The following NFAT5 variants were observed in gnomAD, a reference collection of about 807,000 sequenced individuals.
NFAT5 encodes the protein nuclear factor of activated T cells 5, also known as nuclear factor of activated T-cells 5.
A neutral mutation model predicts 166.5 loss-of-function variants in NFAT5; 31 were observed. The ratio of observed to expected loss-of-function variants is 0.19; its 90% CI spans 0.14 to 0.25. NFAT5 has a LOEUF of 0.25. Ranked by LOEUF, NFAT5 falls within the 10% of genes least tolerant of loss-of-function variation. The pLI, the probability that NFAT5 is intolerant of heterozygous loss-of-function variation, is 1.00. For missense variants in NFAT5, 1,449 were observed against 1,821.8 expected (o/e 0.80, Z 3.72); for synonymous variants, 612 against 639.7 (o/e 0.96, Z 0.65).
At chr16:69,649,127 A>G (rs894359557) in intron 4 of NFAT5, 2 of 874,830 alleles carry the variant, frequency 2.3e-6, no homozygotes, top group Non-Finnish European at 1.4e-6. Context: ...TTGTAGAACT[A>G]TTACTTATAA....
At chr16:69,588,055 C>T (rs1023283459) in intron 2 of NFAT5, among the ~76,000 whole-genome samples, 10 of 144,796 alleles carry the variant, frequency 6.9e-5, no homozygotes, top group African/African-American at 2.1e-4. Context: ...CAGGTTCAAG[C>T]GATTCTCCTG....
intron 2 of NFAT5, among the ~76,000 whole-genome samples, chr16:69,615,744 G>A (rs1391274876): frequency 6.6e-6 from 1 of 151,990 alleles, no homozygotes; most frequent in Non-Finnish European, 1.5e-5. Context: ...TGAGAAACTT[G>A]ATTTCCTTTC....
chr16:69,622,439 A>G lies in NFAT5; in HGVS notation c.128-3964A>G, dbSNP rs552794084. ...TTTGGTGAAGGAATCCATGCTTCCTATACCTTCCACTTGACCTTGCATTTT... is the reference window on the plus strand; with the variant it reads ...TTTGGTGAAGGAATCCATGCTTCCTGTACCTTCCACTTGACCTTGCATTTT... On this transcript the variant is annotated intron_variant, in intron 2 of 14. Coordinates refer to ENST00000349945, the MANE Select transcript of NFAT5 (RefSeq NM_138713.4). Among the ~76,000 whole-genome samples, 14 of 152,310 alleles carry G rather than the reference A, an allele frequency of 9.2e-5. No homozygotes were observed. In the South Asian group the frequency reaches 2.3e-3, roughly 25 times the overall value.
At chr16:69,684,704 C>T (rs1325961451) in intron 10 of NFAT5, among the ~76,000 whole-genome samples, 183 bp from the exon 11 acceptor site, 2 of 152,086 alleles carry the variant, frequency 1.3e-5, no homozygotes, top group African/African-American at 4.8e-5. Flanking sequence ...GCTAAGTGAT[C>T]ACATGCTCCG....
Position 69,692,582 on chromosome 16 carries a change from A to G in NFAT5, c.2757A>G (p.Gln919=). The part of the protein sequence containing the change: ...ESSAAMVMEM[Q]QSICQAAAQI... Reference sequence around the variant, plus strand: ...CAGCCGCAATGGTGATGGAGATGCAACAGAGTATCTGCCAGGCAGCTGCCC... The same window carrying G: ...CAGCCGCAATGGTGATGGAGATGCAGCAGAGTATCTGCCAGGCAGCTGCCC... The change falls in exon 13 of 15, where the codon CAA becomes CAG. Residue 919 remains glutamine, a synonymous_variant. Coordinates refer to ENST00000349945, the MANE Select transcript of NFAT5 (RefSeq NM_138713.4). The G allele has an allele frequency of 1.2e-6, 2 of 1,614,194 alleles. No homozygotes were observed. Among genetic ancestry groups the G allele is most frequent in the African/African-American group, 1.3e-5 (1 of 75,058 alleles).
rs1231444762 is a variant in NFAT5, at chr16:69,643,191, C to A, written c.254-3837C>A. 4.1e-5 allele frequency among the ~76,000 whole-genome samples: 6 copies of A among 145,802 alleles called. No homozygotes were observed. In the East Asian group the frequency reaches 1.2e-3, roughly 29 times the overall value. On this transcript the variant is annotated intron_variant, in intron 3 of 14. Transcript: ENST00000349945. ...CGAGATCGCGCCACTGCACTCCAGCCTGGGCAACAGAGCGAGAGTCCCTCT... is the reference window on the plus strand; with the variant it reads ...CGAGATCGCGCCACTGCACTCCAGCATGGGCAACAGAGCGAGAGTCCCTCT...
chr16:69,617,448 A>G (rs907657639), intron 2 of NFAT5, among the ~76,000 whole-genome samples: 1 of 151,936 alleles, frequency 6.6e-6, no homozygotes, highest in African/African-American at 2.4e-5. Context: ...GGTATATTCC[A>G]TTCTGTCTTT....
intron 3 of NFAT5, among the ~76,000 whole-genome samples, chr16:69,637,418 T>C (rs1284392488): frequency 1.3e-5 from 2 of 152,220 alleles, no homozygotes; most frequent in East Asian, 3.9e-4. Flanking sequence ...CAGTTTACTG[T>C]GTTAGTCCAT....
intron 2 of NFAT5, among the ~76,000 whole-genome samples, chr16:69,579,657 G>A (rs1408695644): frequency 6.6e-6 from 1 of 151,950 alleles, no homozygotes; most frequent in Non-Finnish European, 1.5e-5. Context: ...TATAAATTCT[G>A]CACAGAAAAA....
chr16:69,622,300 C>T (rs548526733), intron 2 of NFAT5, among the ~76,000 whole-genome samples: 7 of 152,226 alleles, frequency 4.6e-5, no homozygotes, highest in African/African-American at 1.7e-4. Context: ...AAATAAAATC[C>T]TGTGCTGGTA....
At chr16:69,681,655 C>G (rs189888462) in intron 10 of NFAT5, among the ~76,000 whole-genome samples, 1 of 152,042 alleles carries the variant, frequency 6.6e-6, no homozygotes, top group Admixed American at 6.6e-5. Flanking sequence ...CGGTGGCTCA[C>G]GCCTGTAATC....
At position 69,693,719 on chromosome 16, in the gene NFAT5, G is replaced by A. The variant is rs528549177; in HGVS notation, c.3894G>A (p.Ala1298=). 1.4e-5 allele frequency: 22 copies of A among 1,614,082 alleles called. No homozygotes were observed. Among genetic ancestry groups the A allele is most frequent in the South Asian group, 8.8e-5 (8 of 91,094 alleles). Reference sequence around the variant, plus strand: ...ATCAGAATACCATGGCTACAATGGCGTCTCCAAAGCAACCACCACCAAACA... The same window carrying A: ...ATCAGAATACCATGGCTACAATGGCATCTCCAAAGCAACCACCACCAAACA... ...FSNQNTMATM[A]SPKQPPPNMI... Residue 1298 remains alanine, a synonymous_variant, in exon 13 of 15, where the codon GCG becomes GCA. Transcript: ENST00000349945.
At chr16:69,694,826 G>A (rs972769943) in intron 13 of NFAT5, among the ~76,000 whole-genome samples, 3 of 152,172 alleles carry the variant, frequency 2.0e-5, no homozygotes, top group Non-Finnish European at 4.4e-5. Flanking sequence ...TTCTAAGGAG[G>A]TAGAAACTCA....
chr16:69,637,387 G>T (rs536713616), intron 3 of NFAT5, among the ~76,000 whole-genome samples: 18 of 152,070 alleles, frequency 1.2e-4, no homozygotes, highest in Admixed American at 3.3e-4. Context: ...TATTTTTTCA[G>T]CAACACCCCA....
chr16:69,686,510 A>G (rs1469887216), intron 11 of NFAT5, among the ~76,000 whole-genome samples: 1 of 152,154 alleles, frequency 6.6e-6, no homozygotes, highest in African/African-American at 2.4e-5. Flanking sequence ...GCAAAGGAAC[A>G]AGGTTCTCAA....
chr16:69,582,810 T>C (rs1348272934), intron 2 of NFAT5, among the ~76,000 whole-genome samples: 1 of 151,922 alleles, frequency 6.6e-6, no homozygotes, highest in Non-Finnish European at 1.5e-5. Context: ...GCCTTCCAAC[T>C]TTTTTTCTTC....
chr16:69,637,748 G>T (rs757994699), intron 3 of NFAT5, among the ~76,000 whole-genome samples: 3 of 152,112 alleles, frequency 2.0e-5, no homozygotes, highest in South Asian at 2.1e-4. Flanking sequence ...TTTGGGTGGG[G>T]ATACATAGCT....
rs1555515541 is a variant in NFAT5, at chr16:69,568,346, ATG to A, written c.74-119_74-118del. 1,411 of 180,480 alleles carry A rather than the reference ATG, an allele frequency of 7.8e-3. 30 individuals are homozygous for A. The highest frequency in any genetic ancestry group is 0.054 in the Admixed American group (694 of 12,964). 11.2% of individuals were successfully genotyped at this position (180,480 alleles called of 1,614,324 possible). A position where few individuals can be genotyped will look rare whatever the true frequency, so the allele number is the denominator to read the frequency against. ...AAAATGTATGTGTGTATATATATAT[ATG>A]TGTGTGTGTGTGTGTGTGTGTGTGT... On this transcript the variant is annotated intron_variant, in intron 1 of 14. Transcript: ENST00000349945.
At chr16:69,576,233 A>G (rs1187853219) in intron 2 of NFAT5, among the ~76,000 whole-genome samples, 1 of 147,812 alleles carries the variant, frequency 6.8e-6, no homozygotes, top group Non-Finnish European at 1.5e-5. Context: ...TGGAGCTTTC[A>G]GGGAGCGGAG....
Sources: allele counts gnomAD v4.1 joint callset (sites outside exome capture counted in the v4.1 genomes callset), GRCh38; gene constraint gnomAD v4.1.1; transcripts MANE v1.5; gene names NCBI Gene and HGNC (gene_info 2026-07-23, HGNC 2026-07-21).